Variants in COL26A1 observed in about 807,000 individuals in gnomAD.
COL26A1 encodes collagen type XXVI alpha 1 chain, also known as collagen alpha-1(XXVI) chain.
Under a neutral mutation model 59.3 loss-of-function variants are expected in COL26A1, and 41 were observed. The ratio of observed to expected loss-of-function variants is 0.69; its 90% CI spans 0.54 to 0.90. The LOEUF is 0.90. COL26A1 is among the 40% of genes least tolerant of loss of function. The pLI is 0.00. For missense variants in COL26A1, 612 were observed against 602.3 expected, an observed-to-expected ratio of 1.02 and a Z score of -0.17; for synonymous variants, 266 against 256.0, an observed-to-expected ratio of 1.04 and a Z score of -0.37.
chr7:101,371,007 C>T (rs1248677122), intron 1 of COL26A1, among the ~76,000 whole-genome samples: 3 of 152,172 alleles, frequency 2.0e-5, no homozygotes, highest in Non-Finnish European at 4.4e-5. Flanking sequence ...TCTCCTTCCT[C>T]ATTTACTCCC....
intron 1 of COL26A1, among the ~76,000 whole-genome samples, chr7:101,376,417 C>T (rs1327334597): frequency 6.6e-6 from 1 of 152,066 alleles, no homozygotes. Flanking sequence ...GACTGCACAC[C>T]CTGTGAGATG....
chr7:101,364,986 A>G (rs1791006724), intron 1 of COL26A1, among the ~76,000 whole-genome samples: 1 of 152,182 alleles, frequency 6.6e-6, no homozygotes, highest in African/African-American at 2.4e-5. Flanking sequence ...ATTTCTGGCT[A>G]ATTCCTTAAT....
intron 1 of COL26A1, among the ~76,000 whole-genome samples, chr7:101,372,170 G>A (rs1305729745): frequency 6.6e-6 from 1 of 152,128 alleles, no homozygotes; most frequent in Non-Finnish European, 1.5e-5. Context: ...TTTCTGGGGA[G>A]CATTTTGTTT....
chr7:101,393,180 T>C (rs552663307), intron 1 of COL26A1, among the ~76,000 whole-genome samples: 1 of 152,142 alleles, frequency 6.6e-6, no homozygotes, highest in Admixed American at 6.6e-5. Context: ...TCTTTTGTAA[T>C]TTTAGTACAG....
chr7:101,374,434 A>T (rs374780658), intron 1 of COL26A1, among the ~76,000 whole-genome samples: 1 of 152,194 alleles, frequency 6.6e-6, no homozygotes, highest in African/African-American at 2.4e-5. Flanking sequence ...GCACAGCAGG[A>T]GGTGAGTGAT....
At position 101,392,999 on chromosome 7, in the gene COL26A1, T is replaced by G. The variant is rs1433929158; in HGVS notation, c.159-26978T>G. ...TTTTTACATTTTCAATAAAAAAATGTTTTTTTGTTTTTTTTTTTTTTGAGA... is the reference window on the plus strand; with the variant it reads ...TTTTTACATTTTCAATAAAAAAATGGTTTTTTGTTTTTTTTTTTTTTGAGA... On this transcript the variant is annotated intron_variant, in intron 1 of 12. Transcript: ENST00000313669. Among the ~76,000 whole-genome samples the G allele has an allele frequency of 7.4e-5, 7 of 94,620 alleles. No homozygotes were observed. The East Asian group carries it at 1.8e-3, about 24-fold the overall frequency. The allele number at this position is 94,620 out of a possible 152,430, so 62.1% of individuals were successfully genotyped here.
chr7:101,391,956 G>T (rs1791740787), intron 1 of COL26A1, among the ~76,000 whole-genome samples: 1 of 151,870 alleles, frequency 6.6e-6, no homozygotes, highest in Non-Finnish European at 1.5e-5. Context: ...GGTCTCAAGT[G>T]ATCCTCCCGC....
intron 8 of COL26A1, among the ~76,000 whole-genome samples, chr7:101,548,126 G>A (rs1795779703): frequency 6.6e-6 from 1 of 152,130 alleles, no homozygotes. Flanking sequence ...GGGTACCTGG[G>A]GGCCTTCAGG....
intron 5 of COL26A1, 53 bp from the exon 6 acceptor site, chr7:101,543,945 C>G: frequency 2.5e-5 from 34 of 1,361,858 alleles, no homozygotes; most frequent in Non-Finnish European, 3.5e-5. Flanking sequence ...CCTGGAGCCA[C>G]TGGAGGCTGG....
chr7:101,510,905 T>C (rs557771725), intron 3 of COL26A1, among the ~76,000 whole-genome samples: 1 of 146,218 alleles, frequency 6.8e-6, no homozygotes, highest in Non-Finnish European at 1.5e-5. Flanking sequence ...TTTCTTTTTT[T>C]TTTTTTTTTT....
At chr7:101,372,849 G>T (rs1271573379) in intron 1 of COL26A1, among the ~76,000 whole-genome samples, 1 of 152,000 alleles carries the variant, frequency 6.6e-6, no homozygotes, top group African/African-American at 2.4e-5. Flanking sequence ...TAAAAAATTA[G>T]CCAGGTGTGG....
intron 2 of COL26A1, among the ~76,000 whole-genome samples, chr7:101,446,082 G>C (rs1013792663): frequency 9.3e-5 from 12 of 128,784 alleles, no homozygotes; most frequent in African/African-American, 3.1e-4. Context: ...ACAGTGATGG[G>C]GGAGGCGCCA....
chr7:101,492,418 C>T (rs922739505), intron 3 of COL26A1, among the ~76,000 whole-genome samples: 6 of 151,868 alleles, frequency 4.0e-5, no homozygotes, highest in South Asian at 2.1e-4. Flanking sequence ...AGTTGCAGGC[C>T]GGGCGCGGTG....
intron 3 of COL26A1, among the ~76,000 whole-genome samples, chr7:101,501,199 AAAG>A (rs1282642158): frequency 0.072 from 9,248 of 128,038 alleles, 333 homozygotes; most frequent in Non-Finnish European, 0.09. Context: ...AAAAAAAAAA[AAAG>A]AAAAGAAAAG....
rs752235478 is a variant in COL26A1, at chr7:101,430,285, C to CTCTT, written c.281+10201_281+10204dup. 4.6e-5 allele frequency among the ~76,000 whole-genome samples: 7 copies of CTCTT among 151,520 alleles called. No homozygotes were observed. The South Asian group carries it at 8.3e-4, about 18-fold the overall frequency. On this transcript the variant is annotated intron_variant, in intron 2 of 12. Transcript: ENST00000313669. Reference sequence around the variant, plus strand: ...ATTTTTAATTTCTTTCTCTCTTTCTCTCTTTCTTTCTTTCTTTCGACGGAG... The same window carrying CTCTT: ...ATTTTTAATTTCTTTCTCTCTTTCTCTCTTTCTTTCTTTCTTTCTTTCGACGGAG...
chr7:101,447,743 A>T lies in COL26A1; in HGVS notation c.341A>T (p.Glu114Val), dbSNP rs1259053638. Residue 114 changes from glutamate to valine, a missense_variant, in exon 3 of 13, where the codon GAG (glutamate) becomes GTG (valine). Glu to Val is a moderately radical substitution (Grantham distance 121, BLOSUM62 -2). Transcript: ENST00000313669. The stretch of plus-strand genomic sequence containing the variant: ...TCCTACCGCACGGTGACGGTGCTGG[A>T]GTGGAGATGCTGCCCTGGCTTCACC... Reference protein sequence around the residue: ...RVSYRTVTVLEWRCCPGFTGS... With the variant: ...RVSYRTVTVLVWRCCPGFTGS... 6.2e-7 allele frequency: 1 copy of T among 1,606,868 alleles called. No homozygotes were observed. Among genetic ancestry groups the T allele is most frequent in the Non-Finnish European group, 8.5e-7 (1 of 1,176,896 alleles).
intron 1 of COL26A1, among the ~76,000 whole-genome samples, chr7:101,410,686 G>GGTGT (rs3072481): frequency 0.016 from 2,344 of 149,652 alleles, 30 homozygotes; most frequent in Admixed American, 0.047. Flanking sequence ...GGCTAATTTT[G>GGTGT]GTGTGTGTGT....
At chr7:101,431,446 G>T (rs147069957) in intron 2 of COL26A1, among the ~76,000 whole-genome samples, 3,597 of 152,036 alleles carry the variant, frequency 0.024, 66 homozygotes, top group Non-Finnish European at 0.034. Flanking sequence ...TTTTAGTAGG[G>T]ATGGGGTTTC....
intron 2 of COL26A1, among the ~76,000 whole-genome samples, chr7:101,432,251 C>T (rs1253781723): frequency 6.6e-6 from 1 of 152,032 alleles, no homozygotes; most frequent in African/African-American, 2.4e-5. Context: ...CATGAGCCAC[C>T]ATGTCCATCC....
Sources: gnomAD v4.1 joint callset for allele counts (sites outside exome capture counted in the v4.1 genomes callset) on GRCh38, gnomAD v4.1.1 for gene constraint, MANE v1.5 for transcripts, NCBI Gene and HGNC (gene_info 2026-07-23, HGNC 2026-07-21) for gene names.